Variants in FSTL4 observed in about 807,000 individuals in gnomAD.
FSTL4 encodes follistatin-related protein 4.
In FSTL4, 28 loss-of-function variants were observed where a neutral mutation model predicts 78.2. The observed-to-expected ratio is 0.36, with a 90% CI of 0.27 to 0.49. The LOEUF is 0.49. Ranked by LOEUF, FSTL4 falls within the 20% of genes least tolerant of loss-of-function variation. The pLI is 0.98. For missense variants in FSTL4, 922 were observed against 1,084.9 expected, an observed-to-expected ratio of 0.85 and a Z score of 2.11; for synonymous variants, 422 against 440.5, an observed-to-expected ratio of 0.96 and a Z score of 0.53.
At chr5:133,698,635 G>A in the FSTL4 span, among the ~76,000 whole-genome samples, 26 of 152,280 alleles carry the variant, frequency 1.7e-4, no homozygotes, top group Non-Finnish European at 3.8e-4. Flanking sequence ...GATAATGCGT[G>A]TAACGTGCTT....
At chr5:133,660,933 G>A in the FSTL4 span, among the ~76,000 whole-genome samples, 2 of 152,228 alleles carry the variant, frequency 1.3e-5, no homozygotes, top group Non-Finnish European at 2.9e-5. Context: ...GGAAACAGGA[G>A]AGGAGCTCGT....
the FSTL4 span, among the ~76,000 whole-genome samples, chr5:133,740,633 C>A: frequency 1.3e-5 from 2 of 152,144 alleles, no homozygotes; most frequent in East Asian, 3.8e-4. Context: ...TCATTCACCT[C>A]GATTTTCTCT....
At chr5:133,269,362 T>G (rs1233102992) in intron 6 of FSTL4, among the ~76,000 whole-genome samples, 1 of 152,084 alleles carries the variant, frequency 6.6e-6, no homozygotes, top group East Asian at 1.9e-4. Context: ...TCCAAGCAAA[T>G]TGCCAGTGGA....
chr5:133,793,625 G>A, the FSTL4 span, among the ~76,000 whole-genome samples: 3 of 152,220 alleles, frequency 2.0e-5, no homozygotes, highest in Admixed American at 1.3e-4. Flanking sequence ...TCCACACTGC[G>A]GCAGCCCAAG....
chr5:133,309,551 C>T (rs1462937070), intron 6 of FSTL4, among the ~76,000 whole-genome samples: 1 of 152,150 alleles, frequency 6.6e-6, no homozygotes, highest in Non-Finnish European at 1.5e-5. Context: ...CATCACGAAC[C>T]AGCTCAGCAC....
chr5:133,597,655 C>T (rs1760765176), intron 2 of FSTL4, among the ~76,000 whole-genome samples: 1 of 152,142 alleles, frequency 6.6e-6, no homozygotes, highest in East Asian at 1.9e-4. Flanking sequence ...ACACAGTGCA[C>T]TAACTGGTAC....
chr5:133,311,641 T>G (rs1443106530), intron 6 of FSTL4, among the ~76,000 whole-genome samples: 1 of 152,152 alleles, frequency 6.6e-6, no homozygotes, highest in Non-Finnish European at 1.5e-5. Flanking sequence ...GCAGGAATAC[T>G]TTGCTGGAAA....
chr5:133,579,871 A>C (rs1157043569), intron 2 of FSTL4, among the ~76,000 whole-genome samples: 2 of 152,214 alleles, frequency 1.3e-5, no homozygotes, highest in African/African-American at 2.4e-5. Context: ...TCTGACATAA[A>C]GATGCAAAAT....
intron 2 of FSTL4, among the ~76,000 whole-genome samples, chr5:133,589,548 A>G (rs1392188233): frequency 1.3e-5 from 2 of 152,276 alleles, no homozygotes; most frequent in East Asian, 3.9e-4. Context: ...TCAGAGGTTC[A>G]GTGGCTGCCT....
At chr5:133,352,349 TATATACACACACATATATATACAC>T (rs1754849580) in intron 4 of FSTL4, among the ~76,000 whole-genome samples, 1 of 148,150 alleles carries the variant, frequency 6.7e-6, no homozygotes, top group East Asian at 2.0e-4. Context: ...TATACACATA[TATATACACACACATATATATACAC>T]ATATATATAT....
chr5:133,549,156 C>G (rs1419250672), intron 3 of FSTL4, among the ~76,000 whole-genome samples: 1 of 152,086 alleles, frequency 6.6e-6, no homozygotes, highest in Non-Finnish European at 1.5e-5. Context: ...GTTTTGCAAA[C>G]TTTTTTCAAC....
At chr5:133,345,888 G>A (rs7714483) in intron 4 of FSTL4, among the ~76,000 whole-genome samples, 14,699 of 152,136 alleles carry the variant, frequency 0.097, 922 homozygotes, top group African/African-American at 0.17. Context: ...TCCCATTACT[G>A]GGTATATACC....
At chr5:133,510,932 T>C (rs1215109190) in intron 3 of FSTL4, among the ~76,000 whole-genome samples, 1 of 152,206 alleles carries the variant, frequency 6.6e-6, no homozygotes, top group African/African-American at 2.4e-5. Flanking sequence ...AAAAAGGGTT[T>C]CTGTATAGCT....
intron 3 of FSTL4, among the ~76,000 whole-genome samples, chr5:133,475,408 C>A (rs1167547493): frequency 6.6e-6 from 1 of 152,226 alleles, no homozygotes; most frequent in Non-Finnish European, 1.5e-5. Context: ...TCCAGGGCTG[C>A]CTTCCCTGTT....
intron 4 of FSTL4, among the ~76,000 whole-genome samples, chr5:133,395,784 A>G (rs1756023316): frequency 1.3e-5 from 2 of 151,812 alleles, no homozygotes; most frequent in Non-Finnish European, 2.9e-5. Flanking sequence ...TTCAAAATCC[A>G]CCTTGAAGGT....
At chr5:133,626,721 G>A in the FSTL4 span, among the ~76,000 whole-genome samples, 1 of 151,878 alleles carries the variant, frequency 6.6e-6, no homozygotes, top group African/African-American at 2.4e-5. Context: ...TGGATTTCTA[G>A]TTTTGTTCCT....
intron 3 of FSTL4, 104 bp downstream of exon 3, chr5:133,567,082 C>A: frequency 1.2e-6 from 1 of 861,138 alleles, no homozygotes; most frequent in South Asian, 1.4e-5. Flanking sequence ...CATGAAATTT[C>A]AAAGAATGAG....
At chr5:133,234,358 C>T (rs1338877451) in intron 7 of FSTL4, among the ~76,000 whole-genome samples, 1 of 152,248 alleles carries the variant, frequency 6.6e-6, no homozygotes, top group Non-Finnish European at 1.5e-5. Flanking sequence ...TCTGCAGCCT[C>T]ACACGATGGG....
the FSTL4 span, among the ~76,000 whole-genome samples, chr5:133,832,964 TG>T: frequency 1.3e-5 from 2 of 152,226 alleles, no homozygotes; most frequent in Non-Finnish European, 2.9e-5. Context: ...CAAAATCTTT[TG>T]TTTTTTTAAC....
Sources: allele counts gnomAD v4.1 joint callset (sites outside exome capture counted in the v4.1 genomes callset), GRCh38; gene constraint gnomAD v4.1.1; transcripts MANE v1.5; gene names NCBI Gene and HGNC (gene_info 2026-07-23, HGNC 2026-07-21).